Variants in DNAH9 observed in about 807,000 individuals in gnomAD.
DNAH9 encodes DNAH9 variant protein.
A neutral mutation model predicts 471.6 loss-of-function variants in DNAH9; 345 were observed. That is an observed-to-expected ratio of 0.73 (90% CI 0.67 to 0.80). The LOEUF (loss-of-function observed/expected upper bound fraction) is 0.80, where lower values mean the gene tolerates loss of function less well. DNAH9 is among the 30% of genes least tolerant of loss of function. The pLI, the probability that DNAH9 is intolerant of heterozygous loss-of-function variation, is 0.00. For missense variants in DNAH9, 5,407 were observed against 5,609.2 expected (o/e 0.96, Z 1.15); for synonymous variants, 2,093 against 2,123.6 (o/e 0.99, Z 0.40).
In DNAH9 at chr17:11,784,443, C is replaced by G. The variant is rs1441014012; in HGVS notation, c.7965C>G (p.Ala2655=). 1.2e-6 allele frequency: 2 copies of G among 1,614,072 alleles called. No individual in the cohort carries two copies. The highest frequency in any genetic ancestry group is 8.5e-7 in the Non-Finnish European group (1 of 1,180,050). The change falls in exon 41 of 69, where the codon GCC becomes GCG. Residue 2655 remains alanine, a synonymous_variant. Coordinates refer to ENST00000262442, the MANE Select transcript of DNAH9 (RefSeq NM_001372.4). ...QKSIPPLIDL[A]LAFHQKIATT... is the part of the protein sequence containing the mutation. ...CCATCCCCCCACTGATCGATCTGGCCCTCGCCTTCCACCAGAAAATTGCTA... is the reference window on the plus strand; with the variant it reads ...CCATCCCCCCACTGATCGATCTGGCGCTCGCCTTCCACCAGAAAATTGCTA...
intron 43 of DNAH9, among the ~76,000 whole-genome samples, chr17:11,806,490 T>C (rs1328007604): frequency 1.3e-5 from 2 of 152,158 alleles, no homozygotes; most frequent in Non-Finnish European, 2.9e-5. Context: ...CACAATACCA[T>C]TCTACCATCA....
rs1463621699 is a variant in DNAH9, at chr17:11,712,085, T to A, written c.5552+6900T>A. Among the ~76,000 whole-genome samples the A allele has an allele frequency of 2.0e-3, 16 of 7,952 alleles. 7 individuals are homozygous for A. In the Non-Finnish European group the frequency reaches 0.021, roughly 11 times the overall value. The allele number at this position is 7,952 out of a possible 152,430, so 5.2% of individuals were successfully genotyped here. A position where few individuals can be genotyped will look rare whatever the true frequency, so the allele number is the denominator to read the frequency against. On this transcript the variant is annotated intron_variant, in intron 26 of 68. Coordinates refer to ENST00000262442, the MANE Select transcript of DNAH9 (RefSeq NM_001372.4). Reference sequence around the variant, plus strand: ...ATATTTGTATATATATAAATATATTTGTATATATATTTATATATAAATATA... The same window carrying A: ...ATATTTGTATATATATAAATATATTAGTATATATATTTATATATAAATATA...
chr17:11,962,279 G>T lies in DNAH9; in HGVS notation c.13233+23G>T. On this transcript the variant is annotated intron_variant, in intron 68 of 68. Transcript: ENST00000262442. The surrounding 1 kb of genome is among the most constrained non-coding windows in gnomAD (Gnocchi z 4.1). ...CAGGTAAAGCTTGGAATGAACCAAA[G>T]GGCAGCTTTCTGGGGGCTGATTAAA... 1 of 1,558,080 alleles carries T rather than the reference G, an allele frequency of 6.4e-7. No individual in the cohort carries two copies.
At chr17:11,930,487 A>T (rs1974471777) in intron 63 of DNAH9, among the ~76,000 whole-genome samples, 1 of 152,200 alleles carries the variant, frequency 6.6e-6, no homozygotes, top group South Asian at 2.1e-4. Flanking sequence ...TGACGTCTAC[A>T]TGAATCTTGA....
rs368607572 is a variant in DNAH9, at chr17:11,854,375, G to A, written c.9880G>A (p.Ala3294Thr). The change falls in exon 50 of 69, where the codon GCG (alanine) becomes ACG (threonine). Residue 3294 changes from alanine (A) to threonine (T), a missense_variant. Physicochemically the swap from Ala to Thr is moderately conservative, Grantham distance 58. Around this residue, in one of 3 missense-constraint regions of DNAH9, gnomAD observed 4,636 missense variants for 4,900.3 expected, o/e 0.95. Transcript: ENST00000262442. The stretch of plus-strand genomic sequence containing the variant: ...GCGCCAGGCACTGAACAAAGCCACC[G>A]CGGACCTCACAGCTGCCCAGGAGAA... Reference protein sequence around the residue: ...PKRQALNKATADLTAAQEKLA... With the variant: ...PKRQALNKATTDLTAAQEKLA... 43 of 1,614,026 alleles carry A rather than the reference G, an allele frequency of 2.7e-5. No individual in the cohort carries two copies. The highest frequency in any genetic ancestry group is 1.7e-4 in the African/African-American group (13 of 75,000).
rs761733139 is a variant in DNAH9 at position 11,680,761 on chromosome 17, C to T, written c.3615C>T (p.Ala1205=). 6.2e-7 allele frequency: 1 copy of T among 1,613,966 alleles called. No homozygotes were observed. Residue 1205 remains alanine (A), a synonymous_variant, in exon 19 of 69, where the codon GCC becomes GCT. Transcript: ENST00000262442. ...AATGGAACAACATAAAAAAGGTGGC[C>T]ATTACTGTGAAGCAGCAGGTGGCCC... ...PEKWNNIKKV[A]ITVKQQVAPL... is the part of the protein sequence containing the mutation.
At chr17:11,637,106 G>A (rs989920197) in intron 9 of DNAH9, among the ~76,000 whole-genome samples, 3 of 152,046 alleles carry the variant, frequency 2.0e-5, no homozygotes, top group Non-Finnish European at 4.4e-5. Flanking sequence ...TCTTCAACAC[G>A]CCTCCATTCG....
At chr17:11,851,486 G>T (rs1208441602) in intron 49 of DNAH9, among the ~76,000 whole-genome samples, 1 of 152,158 alleles carries the variant, frequency 6.6e-6, no homozygotes, top group Non-Finnish European at 1.5e-5. Flanking sequence ...GTTCCAGGCA[G>T]AGACCTGAGG....
rs1972275471 is a variant in DNAH9, at chr17:11,871,804, T to A, written c.10242+18T>A. ...AGCTGAAAGTACGTATGGCCTGAAT[T>A]TCTCCCGACCACATCAGCCTCTGGG... On this transcript the variant is annotated intron_variant, in intron 52 of 68. Coordinates refer to ENST00000262442, the MANE Select transcript of DNAH9 (RefSeq NM_001372.4). 1 of 1,612,272 alleles carries A rather than the reference T, an allele frequency of 6.2e-7. No individual in the cohort carries two copies. The highest frequency in any genetic ancestry group is 8.5e-7 in the Non-Finnish European group (1 of 1,178,762).
chr17:11,939,194 T>C (rs1597852111), intron 66 of DNAH9, among the ~76,000 whole-genome samples: 2 of 152,320 alleles, frequency 1.3e-5, no homozygotes, highest in South Asian at 4.1e-4. Flanking sequence ...AGCTGCTCCA[T>C]ATCACTCTAC....
At chr17:11,677,737 A>C (rs546193921) in intron 17 of DNAH9, among the ~76,000 whole-genome samples, 2 of 151,160 alleles carry the variant, frequency 1.3e-5, no homozygotes, top group Non-Finnish European at 1.5e-5. Flanking sequence ...TTGGGGTATA[A>C]TTTTTCATGT....
chr17:11,880,419 G>C (rs1455840695), intron 54 of DNAH9, among the ~76,000 whole-genome samples: 4 of 152,134 alleles, frequency 2.6e-5, no homozygotes, highest in Non-Finnish European at 5.9e-5. Flanking sequence ...CCATCAGCCA[G>C]TGTCCCAACT....
Position 11,821,906 on chromosome 17 carries a change from C to T in DNAH9, c.8708-14C>T. On this transcript the variant is annotated splice_polypyrimidine_tract_variant and intron_variant, in intron 45 of 68. Coordinates refer to ENST00000262442, the MANE Select transcript of DNAH9 (RefSeq NM_001372.4). ...GATGCCAAGGCTGCCTATCTGTGCT[C>T]CATTTTTTCCCAGGGGAGATCCCAG... is the stretch of plus-strand genomic sequence containing the variant. 1 of 1,604,506 alleles carries T rather than the reference C, an allele frequency of 6.2e-7. No homozygotes were observed. The highest frequency in any genetic ancestry group is 8.5e-7 in the Non-Finnish European group (1 of 1,176,926).
chr17:11,945,491 C>T (rs895630304), intron 67 of DNAH9, among the ~76,000 whole-genome samples: 12 of 149,976 alleles, frequency 8.0e-5, no homozygotes, highest in Non-Finnish European at 1.5e-4. Flanking sequence ...TGAGCCGACA[C>T]TGTGACACTG....
At chr17:11,601,115 C>T (rs1030087892) in intron 1 of DNAH9, among the ~76,000 whole-genome samples, 2 of 152,164 alleles carry the variant, frequency 1.3e-5, no homozygotes, top group Admixed American at 1.3e-4. Flanking sequence ...ATATCGTCAC[C>T]GCCTATCGTC....
chr17:11,899,488 G>T (rs989685698), intron 59 of DNAH9, among the ~76,000 whole-genome samples: 1 of 152,142 alleles, frequency 6.6e-6, no homozygotes, highest in African/African-American at 2.4e-5. Flanking sequence ...AAAGTAATTA[G>T]GTTAATTAGT....
chr17:11,605,769 C>T (rs1398489789), intron 1 of DNAH9, among the ~76,000 whole-genome samples: 1 of 151,702 alleles, frequency 6.6e-6, no homozygotes, highest in Non-Finnish European at 1.5e-5. Context: ...CCTCTCAGTG[C>T]TGGGATACAG....
chr17:11,751,026 G>A (rs892324844), intron 32 of DNAH9, among the ~76,000 whole-genome samples: 11 of 151,898 alleles, frequency 7.2e-5, no homozygotes, highest in African/African-American at 2.7e-4. Context: ...TGGGAAAAAA[G>A]AGTAAATATA....
chr17:11,762,758 G>GTTTTTTTTGTTGTTTTTTTTT (rs1967733702), intron 35 of DNAH9, among the ~76,000 whole-genome samples: 1 of 94,790 alleles, frequency 1.1e-5, no homozygotes, highest in Non-Finnish European at 2.1e-5. Context: ...CTTTAGGTGC[G>GTTTTTTTTGTTGTTTTTTTTT]TTTTTTTTTT....
Sources: allele counts gnomAD v4.1 joint callset (sites outside exome capture counted in the v4.1 genomes callset), GRCh38; gene constraint gnomAD v4.1.1; regional missense constraint gnomAD v4.1.1; non-coding constraint Gnocchi (gnomAD v3.1); transcripts MANE v1.5; gene names NCBI Gene and HGNC (gene_info 2026-07-23, HGNC 2026-07-21).